LMTK2: variants seen among roughly 807,000 people sequenced by gnomAD.
LMTK2 encodes the protein serine/threonine-protein kinase LMTK2.
A neutral mutation model predicts 127.5 loss-of-function variants in LMTK2; 37 were observed. The observed-to-expected ratio is 0.29, with a 90% confidence interval of 0.22 to 0.38. The LOEUF is 0.38. Ranked by LOEUF, LMTK2 falls within the 10% of genes least tolerant of loss-of-function variation. The pLI is 1.00. For missense variants in LMTK2, 1,694 were observed against 1,920.3 expected (o/e 0.88, Z 2.20); for synonymous variants, 819 against 810.1 (o/e 1.01, Z -0.19).
At chr7:98,167,808 G>A (rs1797123799) in intron 6 of LMTK2, among the ~76,000 whole-genome samples, 2 of 152,218 alleles carry the variant, frequency 1.3e-5, no homozygotes, top group African/African-American at 2.4e-5. Context: ...GGACCAGGAC[G>A]GAGCTCCAGG....
At position 98,121,685 on chromosome 7, in the gene LMTK2, G is replaced by GA. The variant is rs369269456; in HGVS notation, c.103+14412dup. Among the ~76,000 whole-genome samples the GA allele has an allele frequency of 3.0e-3, 460 of 151,088 alleles. 5 individuals are homozygous for GA. Among genetic ancestry groups the GA allele is most frequent in the Middle Eastern group, 0.026 (7 of 274 alleles). On this transcript the variant is annotated intron_variant, in intron 1 of 13. Coordinates refer to ENST00000297293, the MANE Select transcript of LMTK2 (RefSeq NM_014916.4). ...AAGTGCTAGCTTCCATAATTAGGCT[G>GA]AAAAAAATCACATTCATATTGTTTT...
In LMTK2 at chr7:98,193,331, A is replaced by G; in HGVS notation, c.2866A>G (p.Lys956Glu). The change falls in exon 11 of 14, where the codon AAA (lysine) becomes GAA (glutamate). Residue 956 changes from lysine (K) to glutamate (E), a missense_variant. Physicochemically the swap from Lys to Glu is moderately conservative, Grantham distance 56. Coordinates refer to ENST00000297293, the MANE Select transcript of LMTK2 (RefSeq NM_014916.4). This position sits in a 1 kb window ranked among gnomAD's most constrained non-coding sequence, Gnocchi z 4.1. ...AVETLNQLNS[K>E]DAAKEAGLVS... is the part of the protein sequence containing the mutation. ...GGAGACTTTAAATCAGCTCAATTCT[A>G]AAGACGCAGCAAAAGAAGCAGGCTT... 6.2e-7 allele frequency: 1 copy of G among 1,614,108 alleles called. No homozygotes were observed. Among genetic ancestry groups the G allele is most frequent in the South Asian group, 1.1e-5 (1 of 91,078 alleles).
chr7:98,141,069 C>CAAAA (rs112518899), intron 2 of LMTK2, among the ~76,000 whole-genome samples: 1 of 104,482 alleles, frequency 9.6e-6, no homozygotes. Context: ...AACCTTGTCT[C>CAAAA]AAAAAAAAAA....
intron 3 of LMTK2, among the ~76,000 whole-genome samples, chr7:98,143,892 A>G (rs943883125): frequency 1.3e-5 from 2 of 152,296 alleles, no homozygotes; most frequent in East Asian, 3.9e-4. Flanking sequence ...GTCTGTCAAT[A>G]TGCAATTTGC....
rs1234548724 is a variant in LMTK2 at position 98,192,403 on chromosome 7, C to T, written c.1938C>T (p.Pro646=). ...FNDVDKSEDL[P]SHQKIFDLME... ...ATGTGGACAAATCGGAAGATTTGCC[C>T]AGTCACCAAAAAATATTCGACTTAA... The change falls in exon 11 of 14, where the codon CCC becomes CCT. Residue 646 remains proline, a synonymous_variant. Transcript: ENST00000297293. 3.1e-6 allele frequency: 5 copies of T among 1,610,112 alleles called. No homozygotes were observed. The African/African-American group carries it at 6.7e-5, about 22-fold the overall frequency.
intron 1 of LMTK2, among the ~76,000 whole-genome samples, chr7:98,109,260 T>C (rs1796164001): frequency 6.6e-6 from 1 of 152,160 alleles, no homozygotes; most frequent in Non-Finnish European, 1.5e-5. Context: ...AACAAAGCAA[T>C]CAGAAAAGTT....
intron 4 of LMTK2, among the ~76,000 whole-genome samples, chr7:98,153,736 C>G (rs368492105): frequency 2.6e-5 from 4 of 152,154 alleles, no homozygotes; most frequent in South Asian, 4.1e-4. Context: ...TGGGATGGCA[C>G]ACGCCTGTGG....
Position 98,193,822 on chromosome 7 carries a change from G to A in LMTK2, c.3357G>A (p.Glu1119=). 6.2e-7 allele frequency: 1 copy of A among 1,614,022 alleles called. No homozygotes were observed. The part of the protein sequence containing the change: ...NDSEPEKRSE[E]VPGTSPSALV... Reference sequence around the variant, plus strand: ...CTGAGCCCGAGAAAAGGTCTGAGGAGGTCCCGGGAACCTCCCCATCCGCCT... The same window carrying A: ...CTGAGCCCGAGAAAAGGTCTGAGGAAGTCCCGGGAACCTCCCCATCCGCCT... The change falls in exon 11 of 14, where the codon GAG becomes GAA. Residue 1119 remains glutamate, a synonymous_variant. Coordinates refer to ENST00000297293, the MANE Select transcript of LMTK2 (RefSeq NM_014916.4). This position sits in a 1 kb window ranked among gnomAD's most constrained non-coding sequence, Gnocchi z 4.1.
At chr7:98,186,061 C>CTTTT (rs368390468) in intron 8 of LMTK2, among the ~76,000 whole-genome samples, 2 of 144,808 alleles carry the variant, frequency 1.4e-5, no homozygotes, top group African/African-American at 2.5e-5. Context: ...TGCATCATCT[C>CTTTT]TTTTTTTTTT....
At chr7:98,144,695 T>C (rs938805043) in intron 3 of LMTK2, among the ~76,000 whole-genome samples, 2 of 151,978 alleles carry the variant, frequency 1.3e-5, no homozygotes, top group African/African-American at 4.8e-5. Flanking sequence ...TAGAGGAAGG[T>C]AAGTACAGAC....
chr7:98,173,816 G>A (rs1475097570), intron 7 of LMTK2, among the ~76,000 whole-genome samples: 1 of 152,168 alleles, frequency 6.6e-6, no homozygotes, highest in Non-Finnish European at 1.5e-5. Context: ...CCGCACTTTG[G>A]GAGGCCGAGG....
chr7:98,140,523 A>G (rs17169369), intron 2 of LMTK2, among the ~76,000 whole-genome samples: 8,159 of 152,152 alleles, frequency 0.054, 663 homozygotes, highest in East Asian at 0.38. Flanking sequence ...CTTATGCGTC[A>G]CATGGTTTTT....
intron 4 of LMTK2, 38 bp downstream of exon 4, chr7:98,151,493 T>C: frequency 6.8e-7 from 1 of 1,461,340 alleles, no homozygotes; most frequent in East Asian, 2.3e-5. Context: ...TTCCTCTGAA[T>C]GATACTGTGT....
intron 1 of LMTK2, among the ~76,000 whole-genome samples, chr7:98,129,659 C>T (rs938256165): frequency 2.0e-5 from 3 of 152,190 alleles, no homozygotes; most frequent in Non-Finnish European, 4.4e-5. Flanking sequence ...AGCCACTGTG[C>T]CTAGCTCGTA....
chr7:98,117,840 G>A lies in LMTK2; in HGVS notation c.103+10560G>A, dbSNP rs903977333. 5.9e-5 allele frequency among the ~76,000 whole-genome samples: 9 copies of A among 152,206 alleles called. 1 individual carries two copies. Among genetic ancestry groups the A allele is most frequent in the Admixed American group, 1.3e-4 (2 of 15,294 alleles). On this transcript the variant is annotated intron_variant, in intron 1 of 13. Coordinates refer to ENST00000297293, the MANE Select transcript of LMTK2 (RefSeq NM_014916.4). Reference sequence around the variant, plus strand: ...AAATTAGCCAGGTGTGGTGGTGTGCGCCTGTAATCCCAGCTACTCGGGAGG... The same window carrying A: ...AAATTAGCCAGGTGTGGTGGTGTGCACCTGTAATCCCAGCTACTCGGGAGG...
intron 1 of LMTK2, among the ~76,000 whole-genome samples, chr7:98,128,553 G>C (rs11980491): frequency 1.1e-3 from 160 of 152,318 alleles, no homozygotes; most frequent in Non-Finnish European, 1.5e-3. Context: ...ACTGATACGC[G>C]CAGTGTTCAG....
chr7:98,196,756 T>C (rs1161312689), intron 11 of LMTK2, among the ~76,000 whole-genome samples: 1 of 152,190 alleles, frequency 6.6e-6, no homozygotes, highest in South Asian at 2.1e-4. Flanking sequence ...ACAAGGGCAC[T>C]CTAGTTATGG....
Position 98,195,487 on chromosome 7 carries a change from AAAG to A in LMTK2, c.4107+916_4107+918del, listed in dbSNP as rs1797611439. On this transcript the variant is annotated intron_variant, in intron 11 of 13. Coordinates refer to ENST00000297293, the MANE Select transcript of LMTK2 (RefSeq NM_014916.4). ...TCAAGCATGCTTTAAAAAAAAAAAA[AAAG>A]TTCTTTTCATACTAGTCTTTGTAGC... is the stretch of plus-strand genomic sequence containing the variant. 3.3e-5 allele frequency among the ~76,000 whole-genome samples: 5 copies of A among 152,288 alleles called. No individual in the cohort carries two copies. In the South Asian group the frequency reaches 1.0e-3, roughly 32 times the overall value.
intron 9 of LMTK2, among the ~76,000 whole-genome samples, chr7:98,188,158 C>G (rs761719510): frequency 2.6e-5 from 4 of 152,130 alleles, no homozygotes; most frequent in African/African-American, 4.8e-5. Context: ...CCTCCTCTCC[C>G]TCCCCTTCCC....
Sources: allele counts gnomAD v4.1 joint callset (sites outside exome capture counted in the v4.1 genomes callset), GRCh38; gene constraint gnomAD v4.1.1; non-coding constraint Gnocchi (gnomAD v3.1); transcripts MANE v1.5; gene names NCBI Gene and HGNC (gene_info 2026-07-23, HGNC 2026-07-21).